Variants in TACC3 observed in about 807,000 individuals in gnomAD.
The protein encoded by TACC3 is transforming acidic coiled-coil-containing protein 3.
In TACC3, 52 loss-of-function variants were observed where a neutral mutation model predicts 86.0. That is an observed-to-expected ratio of 0.60 (90% CI 0.48 to 0.76). TACC3 has a LOEUF of 0.76. Among genes scored for constraint, TACC3 ranks in the 30% least tolerant of loss-of-function variants. TACC3 has a pLI of 0.00. For missense variants in TACC3, 1,120 were observed against 1,070.4 expected, an observed-to-expected ratio of 1.05 and a Z score of -0.65; for synonymous variants, 512 against 430.0, an observed-to-expected ratio of 1.19 and a Z score of -2.36.
chr4:1,726,897 C>T (rs889323734), intron 3 of TACC3, among the ~76,000 whole-genome samples: 1 of 152,152 alleles, frequency 6.6e-6, no homozygotes, highest in South Asian at 2.1e-4. Flanking sequence ...GAGGCCGAGG[C>T]GGGTGGATCA....
intron 9 of TACC3, 57 bp from the exon 10 acceptor site, chr4:1,737,541 G>A (rs1718341028): frequency 7.3e-7 from 1 of 1,369,132 alleles, no homozygotes; most frequent in Non-Finnish European, 9.9e-7. Context: ...CTCACACTAG[G>A]TCAGAGGTAA....
At chr4:1,739,582 A>T in intron 10 of TACC3, 120 bp from the exon 11 acceptor site, 1 of 918,952 alleles carries the variant, frequency 1.1e-6, no homozygotes, top group East Asian at 2.7e-5. Flanking sequence ...CCCACATGGA[A>T]CTGTGCCTCT....
chr4:1,723,950 C>G, intron 3 of TACC3, 80 bp downstream of exon 3: 1 of 1,499,772 alleles, frequency 6.7e-7, no homozygotes, highest in Non-Finnish European at 9.1e-7. Context: ...CTGTCTTGTT[C>G]TATCAGGCCT....
chr4:1,729,001 C>A (rs957655719), intron 4 of TACC3, among the ~76,000 whole-genome samples: 1 of 152,200 alleles, frequency 6.6e-6, no homozygotes, highest in Non-Finnish European at 1.5e-5. Flanking sequence ...CTTTAGTGCT[C>A]CTGGCCTAAG....
intron 6 of TACC3, among the ~76,000 whole-genome samples, chr4:1,733,200 C>T (rs1175265570): frequency 2.6e-5 from 4 of 152,116 alleles, no homozygotes; most frequent in Non-Finnish European, 5.9e-5. Context: ...TTTTTATGTG[C>T]TCGTTGGATA....
intron 6 of TACC3, among the ~76,000 whole-genome samples, chr4:1,734,005 C>T (rs1265678154): frequency 6.6e-6 from 1 of 151,072 alleles, no homozygotes; most frequent in Non-Finnish European, 1.5e-5. Flanking sequence ...AGAAAACTGA[C>T]AAGGCCATAG....
chr4:1,739,594 G>T, intron 10 of TACC3, 108 bp from the exon 11 acceptor site: 2 of 1,033,880 alleles, frequency 1.9e-6, no homozygotes, highest in Non-Finnish European at 2.9e-6. Context: ...TGTGCCTCTG[G>T]GACATTGCTC....
intron 3 of TACC3, among the ~76,000 whole-genome samples, chr4:1,725,229 G>C (rs1264697108): frequency 6.6e-6 from 1 of 152,184 alleles, no homozygotes; most frequent in African/African-American, 2.4e-5. Flanking sequence ...ACCACGCCCG[G>C]CTGGCCCAAA....
intron 10 of TACC3, chr4:1,738,046 C>T (rs1444465835): frequency 1.1e-5 from 4 of 380,870 alleles, no homozygotes; most frequent in South Asian, 4.1e-5. Context: ...CGCCCTCCCA[C>T]GAGTCCAGAC....
chr4:1,736,502 T>A (rs1245074462), intron 8 of TACC3, among the ~76,000 whole-genome samples: 1 of 151,326 alleles, frequency 6.6e-6, no homozygotes, highest in Non-Finnish European at 1.5e-5. Context: ...CCACTGCCTG[T>A]TTGTGTAAAG....
intron 10 of TACC3, 73 bp from the exon 11 acceptor site, chr4:1,739,629 C>G: frequency 7.0e-7 from 1 of 1,421,940 alleles, no homozygotes; most frequent in African/African-American, 1.4e-5. Context: ...GCGGGCTGGC[C>G]CCATCCTGTG....
chr4:1,729,879 G>C lies in TACC3; in HGVS notation c.1386-1008G>C, dbSNP rs1477350146. On this transcript the variant is annotated intron_variant, in intron 4 of 15. Transcript: ENST00000313288. ...CTACCGCTAGACCAAGCTAGGTAACGGGTGCCTTCCCAAGTGCTGGTGTTA... is the reference window on the plus strand; with the variant it reads ...CTACCGCTAGACCAAGCTAGGTAACCGGTGCCTTCCCAAGTGCTGGTGTTA... Among the ~76,000 whole-genome samples the C allele has an allele frequency of 3.9e-5, 6 of 152,084 alleles. No individual in the cohort carries two copies. In the East Asian group the frequency reaches 9.6e-4, roughly 24 times the overall value.
At chr4:1,724,003 C>G in intron 3 of TACC3, 133 bp downstream of exon 3, 1 of 998,842 alleles carries the variant, frequency 1.0e-6, no homozygotes, top group African/African-American at 1.6e-5. Context: ...GAGTCTCGCT[C>G]TGTTGCCCAC....
At chr4:1,727,309 G>T (rs1717735628) in intron 3 of TACC3, among the ~76,000 whole-genome samples, 1 of 152,214 alleles carries the variant, frequency 6.6e-6, no homozygotes, top group Admixed American at 6.5e-5. Flanking sequence ...TGGGCCTGGG[G>T]GCAGACCTCG....
chr4:1,720,700 G>A, upstream of TACC3: 1 of 1,555,130 alleles, frequency 6.4e-7, no homozygotes, highest in Non-Finnish European at 8.7e-7. The surrounding 1 kb of genome is among the most constrained non-coding windows in gnomAD (Gnocchi z 4.4). Context: ...GCACGAAGGC[G>A]GCGTCCTCGC....
chr4:1,728,134 C>T lies in TACC3; in HGVS notation c.732C>T (p.Pro244=), dbSNP rs746711524. ...GCCGGCACGGTGGGGTCTGTGCTCC[C>T]GCAGCAGTGGCCACTTCGCCTCCTG... ...EECRHGGVCA[P]AAVATSPPGA... is the part of the protein sequence containing the mutation. Residue 244 remains proline, a synonymous_variant, in exon 4 of 16, where the codon CCC becomes CCT. Transcript: ENST00000313288. 3.1e-5 allele frequency: 50 copies of T among 1,611,646 alleles called. 1 individual carries two copies. The highest frequency in any genetic ancestry group is 3.3e-4 in the Middle Eastern group (2 of 6,082).
intron 6 of TACC3, among the ~76,000 whole-genome samples, chr4:1,732,809 GTGGCAGCT>G (rs1718069410): frequency 6.6e-6 from 1 of 152,224 alleles, no homozygotes; most frequent in Non-Finnish European, 1.5e-5. Context: ...TGTCCTTGCC[GTGGCAGCT>G]TGGCTTCACA....
At chr4:1,726,468 C>A (rs1022284905) in intron 3 of TACC3, among the ~76,000 whole-genome samples, 1 of 152,220 alleles carries the variant, frequency 6.6e-6, no homozygotes, top group East Asian at 1.9e-4. Flanking sequence ...CAGGACTGAT[C>A]TGTTGGGCAT....
chr4:1,730,991 C>T (rs765140246), intron 5 of TACC3, 29 bp downstream of exon 5: 3 of 1,612,720 alleles, frequency 1.9e-6, no homozygotes, highest in East Asian at 2.2e-5. Flanking sequence ...GGTACCTGTG[C>T]TCCTGGCCTG....
Sources: gnomAD v4.1 joint callset for allele counts (sites outside exome capture counted in the v4.1 genomes callset) on GRCh38, gnomAD v4.1.1 for gene constraint, Gnocchi (gnomAD v3.1) non-coding constraint, MANE v1.5 for transcripts, NCBI Gene and HGNC (gene_info 2026-07-23, HGNC 2026-07-21) for gene names.